Variants in HDAC9 observed in about 807,000 individuals in gnomAD.
HDAC9 encodes histone deacetylase 9.
In HDAC9, 41 loss-of-function variants were observed where a neutral mutation model predicts 139.4. The observed-to-expected ratio is 0.29, with a 90% confidence interval of 0.23 to 0.38. The LOEUF (loss-of-function observed/expected upper bound fraction) is 0.38, where lower values mean the gene tolerates loss of function less well. HDAC9 is among the 10% of genes least tolerant of loss of function. HDAC9 has a pLI of 1.00. For synonymous variants in HDAC9, 517 were observed against 476.2 expected, an observed-to-expected ratio of 1.09 and a Z score of -1.12; for missense variants, 1,147 against 1,297.0, an observed-to-expected ratio of 0.88 and a Z score of 1.78.
chr7:18,261,646 G>T (rs1486213507), intron 2 of HDAC9, among the ~76,000 whole-genome samples: 1 of 152,226 alleles, frequency 6.6e-6, no homozygotes, highest in Non-Finnish European at 1.5e-5. Flanking sequence ...TGAGGCTTAT[G>T]CAGAAAACAA....
At chr7:18,864,332 C>T (rs546240239) in intron 21 of HDAC9, among the ~76,000 whole-genome samples, 11 of 152,204 alleles carry the variant, frequency 7.2e-5, no homozygotes, top group African/African-American at 2.6e-4. Flanking sequence ...TAGTCAAACT[C>T]ATAGAAGCAG....
At position 18,184,759 on chromosome 7, in the gene HDAC9, T is replaced by C. The variant is rs146402710; in HGVS notation, c.25+22410T>C. On this transcript the variant is annotated intron_variant, in intron 2 of 12. Transcript: ENST00000417496. ...GAATCCAGCATATTCATTTGAAAGG[T>C]GTAGGGTATTGAATAAAAAGGATTT... Among the ~76,000 whole-genome samples, 9 of 152,290 alleles carry C rather than the reference T, an allele frequency of 5.9e-5. No homozygotes were observed. In the East Asian group the frequency reaches 1.7e-3, roughly 29 times the overall value.
chr7:18,280,872 G>T (rs1337424457), intron 2 of HDAC9, among the ~76,000 whole-genome samples: 1 of 152,046 alleles, frequency 6.6e-6, no homozygotes, highest in Non-Finnish European at 1.5e-5. Context: ...ATTTATTTAG[G>T]CATTATTTAT....
chr7:18,470,897 T>C (rs1229785285), intron 1 of HDAC9, among the ~76,000 whole-genome samples: 1 of 152,076 alleles, frequency 6.6e-6, no homozygotes, highest in Non-Finnish European at 1.5e-5. Context: ...TTATTACTTA[T>C]ACTCAAGTTT....
intron 6 of HDAC9, among the ~76,000 whole-genome samples, chr7:18,624,678 C>T (rs1841160182): frequency 6.6e-6 from 1 of 151,884 alleles, no homozygotes; most frequent in Non-Finnish European, 1.5e-5. Flanking sequence ...TTGGGGAGAC[C>T]AGAGCATTAA....
chr7:18,647,645 A>C, intron 9 of HDAC9, 140 bp from the exon 10 acceptor site: 1 of 645,724 alleles, frequency 1.5e-6, no homozygotes, highest in Admixed American at 3.1e-5. Flanking sequence ...TAAAAAGTCC[A>C]TTTTCCCTGC....
chr7:18,288,749 A>C (rs1797613286), upstream of HDAC9, among the ~76,000 whole-genome samples: 1 of 152,210 alleles, frequency 6.6e-6, no homozygotes, highest in African/African-American at 2.4e-5. Flanking sequence ...GAGAATATAC[A>C]TTGGTCCTAA....
chr7:18,438,578 A>G (rs1791439329), intron 1 of HDAC9, among the ~76,000 whole-genome samples: 1 of 151,910 alleles, frequency 6.6e-6, no homozygotes. Context: ...ATAGAAACAT[A>G]TGTCTAGACA....
chr7:18,748,332 A>G (rs1788156558), intron 13 of HDAC9, among the ~76,000 whole-genome samples: 1 of 152,240 alleles, frequency 6.6e-6, no homozygotes, highest in Non-Finnish European at 1.5e-5. Flanking sequence ...TATAATCTCT[A>G]GTAGTGGCAT....
chr7:18,455,752 T>C (rs771679867), intron 1 of HDAC9, among the ~76,000 whole-genome samples: 15 of 152,140 alleles, frequency 9.9e-5, no homozygotes, highest in Non-Finnish European at 2.1e-4. Context: ...AAGGTGAATC[T>C]CCACCATAAA....
intron 1 of HDAC9, among the ~76,000 whole-genome samples, chr7:18,478,425 C>G (rs1366359738): frequency 1.3e-5 from 2 of 152,310 alleles, no homozygotes; most frequent in East Asian, 3.9e-4. Context: ...GTGCTGCACT[C>G]TCAGGATGAT....
At chr7:18,911,740 A>G (rs1472526092) in intron 22 of HDAC9, among the ~76,000 whole-genome samples, 1 of 151,842 alleles carries the variant, frequency 6.6e-6, no homozygotes, top group Non-Finnish European at 1.5e-5. Flanking sequence ...TCCTTTTTAA[A>G]TTCTTCATTG....
At chr7:18,881,060 TAGTC>T (rs1327507154) in intron 22 of HDAC9, among the ~76,000 whole-genome samples, 2 of 152,058 alleles carry the variant, frequency 1.3e-5, no homozygotes, top group Non-Finnish European at 2.9e-5. Flanking sequence ...ATTCCTTGTT[TAGTC>T]AGTCAATGAT....
chr7:18,622,378 C>A (rs1840443217), intron 6 of HDAC9, among the ~76,000 whole-genome samples: 1 of 152,164 alleles, frequency 6.6e-6, no homozygotes, highest in African/African-American at 2.4e-5. Flanking sequence ...GGCTGGAGTG[C>A]AATGGCATGA....
chr7:18,989,409 C>T (rs1785666148), intron 25 of HDAC9, among the ~76,000 whole-genome samples: 1 of 152,076 alleles, frequency 6.6e-6, no homozygotes, highest in Non-Finnish European at 1.5e-5. Context: ...TGTAGAGTTT[C>T]TGCCAAGAGA....
chr7:18,519,647 A>G (rs1804377816), intron 2 of HDAC9, among the ~76,000 whole-genome samples: 1 of 152,178 alleles, frequency 6.6e-6, no homozygotes, highest in Non-Finnish European at 1.5e-5. Flanking sequence ...GTCATGTATT[A>G]GTGGAAGAGC....
rs370859135 is a variant in HDAC9, at chr7:18,220,296, A to C, written c.25+57947A>C. Reference sequence around the variant, plus strand: ...TTTGCAATTATCGCATTGCTATAAAAGTTTGCTGAAAGATTAAAAATAGAA... The same window carrying C: ...TTTGCAATTATCGCATTGCTATAAACGTTTGCTGAAAGATTAAAAATAGAA... On this transcript the variant is annotated intron_variant, in intron 2 of 12. Coordinates refer to the HDAC9 transcript ENST00000417496. 2.6e-5 allele frequency among the ~76,000 whole-genome samples: 4 copies of C among 152,216 alleles called. No individual in the cohort carries two copies. The East Asian group carries it at 7.7e-4, about 29-fold the overall frequency.
At chr7:18,315,299 C>G (rs1799564482) in intron 1 of HDAC9, among the ~76,000 whole-genome samples, 1 of 152,076 alleles carries the variant, frequency 6.6e-6, no homozygotes, top group Non-Finnish European at 1.5e-5. Context: ...TCCTTTAGTC[C>G]TTAACATCTC....
chr7:18,633,319 A>G (rs1782897691), intron 7 of HDAC9, among the ~76,000 whole-genome samples: 3 of 152,044 alleles, frequency 2.0e-5, no homozygotes, highest in Admixed American at 2.0e-4. Flanking sequence ...TGCAGTTAAT[A>G]GTGGGTAAGC....
Sources: gnomAD v4.1 joint callset for allele counts (sites outside exome capture counted in the v4.1 genomes callset) on GRCh38, gnomAD v4.1.1 for gene constraint, MANE v1.5 for transcripts, NCBI Gene and HGNC (gene_info 2026-07-23, HGNC 2026-07-21) for gene names.